MNAT1: variants seen among roughly 807,000 people sequenced by gnomAD.
The protein encoded by MNAT1 is MNAT1 component of CDK activating kinase.
Under a neutral mutation model 42.0 loss-of-function variants are expected in MNAT1, and 43 were observed. The observed-to-expected ratio is 1.02, with a 90% CI of 0.80 to 1.32. The LOEUF is 1.32. Ranked by LOEUF, MNAT1 falls within the 40% of genes most tolerant of loss-of-function variation. MNAT1 has a pLI of 0.00. For missense variants in MNAT1, 306 were observed against 350.4 expected, an observed-to-expected ratio of 0.87 and a Z score of 1.01; for synonymous variants, 118 against 120.0, an observed-to-expected ratio of 0.98 and a Z score of 0.11.
intron 1 of MNAT1, among the ~76,000 whole-genome samples, chr14:60,775,651 T>C (rs1224237701): frequency 6.6e-6 from 1 of 152,154 alleles, no homozygotes; most frequent in African/African-American, 2.4e-5. Flanking sequence ...AGGGGAGGTA[T>C]TGACTTGTAG....
At position 60,879,719 on chromosome 14, in the gene MNAT1, A is replaced by T; in HGVS notation, c.693A>T (p.Gln231His). The T allele has an allele frequency of 6.2e-7, 1 of 1,612,368 alleles. No homozygotes were observed. Among genetic ancestry groups the T allele is most frequent in the Non-Finnish European group, 8.5e-7 (1 of 1,179,000 alleles). The change falls in exon 7 of 8, where the codon CAA becomes CAT. Residue 231 changes from glutamine to histidine, a missense_variant. By Grantham distance (24) the Gln-to-His change is conservative. This residue lies in a region of MNAT1 where 116 missense variants were observed against 139.6 expected (regional missense o/e 0.83). Coordinates refer to ENST00000261245, the MANE Select transcript of MNAT1 (RefSeq NM_002431.4). ...VTFSTGIKMGQHISLAPIHKL... is the reference protein window; with the variant it reads ...VTFSTGIKMGHHISLAPIHKL... ...TTCCTTCATTTTTCTAACAGGGTCA[A>T]CATATTTCACTGGCACCTATTCACA...
intron 6 of MNAT1, among the ~76,000 whole-genome samples, chr14:60,856,203 A>G (rs2033955352): frequency 6.6e-6 from 1 of 152,238 alleles, no homozygotes; most frequent in South Asian, 2.1e-4. Flanking sequence ...TCCAAAAGAA[A>G]CGTTCTTGAA....
chr14:60,822,229 G>A (rs762086431), intron 6 of MNAT1, among the ~76,000 whole-genome samples: 28 of 152,136 alleles, frequency 1.8e-4, no homozygotes, highest in South Asian at 4.2e-4. Flanking sequence ...TCTGTGTTTC[G>A]TAATGTTCTA....
In MNAT1 at chr14:60,834,965, C is replaced by CTTCT. The variant is rs1430070880; in HGVS notation, c.687+16121_687+16122insTTTC. Among the ~76,000 whole-genome samples, 6 of 148,658 alleles carry CTTCT rather than the reference C, an allele frequency of 4.0e-5. 1 individual carries two copies. In the Admixed American group the frequency reaches 4.1e-4, roughly 10 times the overall value. ...CCTTCCTTCCTTCCTTCCTTCCTTC[C>CTTCT]TTCCTTCCTTCCTACCTTGCTCCCG... On this transcript the variant is annotated intron_variant, in intron 6 of 7. Transcript: ENST00000261245.
At position 60,767,641 on chromosome 14, in the gene MNAT1, C is replaced by T. The variant is rs537948691; in HGVS notation, c.90-28576C>T. On this transcript the variant is annotated intron_variant, in intron 1 of 7. Coordinates refer to ENST00000261245, the MANE Select transcript of MNAT1 (RefSeq NM_002431.4). ...TTTGAGACGGAGACTTGCTCTGTTG[C>T]CCAGGCAAGAGTGCAATGGTGTGAT... Among the ~76,000 whole-genome samples, 167 of 152,070 alleles carry T rather than the reference C, an allele frequency of 1.1e-3. 1 individual carries two copies. Among genetic ancestry groups the T allele is most frequent in the African/African-American group, 3.9e-3 (160 of 41,478 alleles).
intron 7 of MNAT1, among the ~76,000 whole-genome samples, chr14:60,943,053 C>CTTTTTTTTT (rs377454616): frequency 3.8e-5 from 2 of 53,102 alleles, no homozygotes; most frequent in Non-Finnish European, 3.3e-5. Context: ...TGTGTGTGCG[C>CTTTTTTTTT]TTTTTTTTTT....
chr14:60,919,102 G>A (rs974993743), intron 7 of MNAT1: 2 of 151,976 alleles, frequency 1.3e-5, no homozygotes, highest in African/African-American at 4.8e-5. Context: ...ATGTCAGCCA[G>A]GCAGCATTCT....
chr14:60,908,011 G>A (rs2035249819), intron 7 of MNAT1, among the ~76,000 whole-genome samples: 1 of 152,058 alleles, frequency 6.6e-6, no homozygotes, highest in Admixed American at 6.5e-5. Flanking sequence ...TATGAGCAGA[G>A]ATAAATTGAT....
At chr14:60,758,953 C>T (rs530119484) in intron 1 of MNAT1, among the ~76,000 whole-genome samples, 4 of 152,206 alleles carry the variant, frequency 2.6e-5, no homozygotes, top group Middle Eastern at 6.8e-3. Flanking sequence ...TTTAGGAAGA[C>T]GCACCACGTT....
At chr14:60,788,782 ACCT>A (rs1437825129) in intron 1 of MNAT1, among the ~76,000 whole-genome samples, 1 of 151,992 alleles carries the variant, frequency 6.6e-6, no homozygotes, top group Non-Finnish European at 1.5e-5. Context: ...ACCTTTCTCA[ACCT>A]TTATAGGATT....
At chr14:60,945,492 T>A (rs2036253400) in intron 7 of MNAT1, among the ~76,000 whole-genome samples, 1 of 152,218 alleles carries the variant, frequency 6.6e-6, no homozygotes, top group Non-Finnish European at 1.5e-5. Flanking sequence ...CAAAGTTGAA[T>A]AAATCTTTGG....
At chr14:60,763,658 A>C (rs2030699975) in intron 1 of MNAT1, among the ~76,000 whole-genome samples, 1 of 152,192 alleles carries the variant, frequency 6.6e-6, no homozygotes, top group Admixed American at 6.5e-5. Context: ...TCAAGCAGTG[A>C]AAACTCAGAA....
intron 1 of MNAT1, among the ~76,000 whole-genome samples, chr14:60,751,098 CTT>C (rs879629156): frequency 1.4e-5 from 2 of 142,678 alleles, no homozygotes; most frequent in Non-Finnish European, 1.5e-5. Context: ...CCTCCACCTT[CTT>C]TTTTTTTTTT....
intron 7 of MNAT1, among the ~76,000 whole-genome samples, chr14:60,946,196 A>C (rs1353671534): frequency 6.6e-6 from 1 of 152,196 alleles, no homozygotes; most frequent in Non-Finnish European, 1.5e-5. Context: ...GAACATACTC[A>C]AATTTCCATC....
intron 1 of MNAT1, among the ~76,000 whole-genome samples, chr14:60,752,519 T>C (rs190982728): frequency 3.9e-5 from 6 of 152,250 alleles, no homozygotes; most frequent in African/African-American, 1.4e-4. Context: ...TTTTATCTTC[T>C]TATTTGTATG....
At chr14:60,941,106 A>G (rs1362767794) in intron 7 of MNAT1, among the ~76,000 whole-genome samples, 1 of 152,174 alleles carries the variant, frequency 6.6e-6, no homozygotes, top group African/African-American at 2.4e-5. Flanking sequence ...TGTTATTTCT[A>G]GTTTTTATGG....
At chr14:60,765,193 G>T (rs552227392) in intron 1 of MNAT1, among the ~76,000 whole-genome samples, 118 of 152,280 alleles carry the variant, frequency 7.7e-4, no homozygotes, top group African/African-American at 2.8e-3. Flanking sequence ...GGAGGTTGCA[G>T]TGAGCCAAGA....
chr14:60,930,286 T>C (rs1355795335), intron 7 of MNAT1, among the ~76,000 whole-genome samples: 1 of 150,530 alleles, frequency 6.6e-6, no homozygotes, highest in Non-Finnish European at 1.5e-5. Flanking sequence ...TTTCTAAGTC[T>C]GGGAACATCT....
At chr14:60,881,782 A>G (rs920241335) in intron 7 of MNAT1, among the ~76,000 whole-genome samples, 2 of 152,176 alleles carry the variant, frequency 1.3e-5, no homozygotes, top group African/African-American at 4.8e-5. Flanking sequence ...TTTGTGTTAC[A>G]AAGAATCCAA....
Sources: allele counts gnomAD v4.1 joint callset (sites outside exome capture counted in the v4.1 genomes callset), GRCh38; gene constraint gnomAD v4.1.1; regional missense constraint gnomAD v4.1.1; transcripts MANE v1.5; gene names NCBI Gene and HGNC (gene_info 2026-07-23, HGNC 2026-07-21).